Variants in FAM117B observed in about 807,000 individuals in gnomAD.
The protein encoded by FAM117B is protein FAM117B.
In FAM117B, 22 loss-of-function variants were observed where a neutral mutation model predicts 52.8. The ratio of observed to expected loss-of-function variants is 0.42; its 90% CI spans 0.30 to 0.59. The LOEUF is 0.59. Among genes scored for constraint, FAM117B ranks in the 20% least tolerant of loss-of-function variants. FAM117B has a pLI of 0.22. For synonymous variants in FAM117B, 309 were observed against 324.1 expected, an observed-to-expected ratio of 0.95 and a Z score of 0.50; for missense variants, 678 against 802.6, an observed-to-expected ratio of 0.84 and a Z score of 1.88.
At chr2:202,738,052 CTG>C (rs752777874) in intron 4 of FAM117B, among the ~76,000 whole-genome samples, 1 of 152,152 alleles carries the variant, frequency 6.6e-6, no homozygotes, top group Non-Finnish European at 1.5e-5. Context: ...TATTTGCCAT[CTG>C]TGTATCCTGT....
intron 5 of FAM117B, among the ~76,000 whole-genome samples, chr2:202,755,941 G>T (rs956716010): frequency 3.3e-5 from 5 of 152,164 alleles, no homozygotes; most frequent in African/African-American, 1.2e-4. Flanking sequence ...AAACCATTAG[G>T]TGATATACTT....
chr2:202,669,387 A>C (rs747884405), intron 1 of FAM117B, among the ~76,000 whole-genome samples: 4 of 152,180 alleles, frequency 2.6e-5, no homozygotes, highest in Non-Finnish European at 5.9e-5. Flanking sequence ...TTTCAGTCCC[A>C]AATAGTATGG....
intron 1 of FAM117B, among the ~76,000 whole-genome samples, chr2:202,672,613 T>A (rs1690315503): frequency 6.6e-6 from 1 of 152,240 alleles, no homozygotes. Context: ...CTTCACATTC[T>A]TATATAAGTC....
At chr2:202,712,305 T>A (rs1251150722) in intron 2 of FAM117B, among the ~76,000 whole-genome samples, 1 of 152,042 alleles carries the variant, frequency 6.6e-6, no homozygotes, top group Admixed American at 6.5e-5. Context: ...CTATTGTAAA[T>A]GGAATTACTT....
At chr2:202,733,067 A>G (rs1691382225) in intron 4 of FAM117B, among the ~76,000 whole-genome samples, 1 of 152,196 alleles carries the variant, frequency 6.6e-6, no homozygotes, top group South Asian at 2.1e-4. Flanking sequence ...CAAAGAGAGG[A>G]ATTTTACAGC....
intron 1 of FAM117B, among the ~76,000 whole-genome samples, chr2:202,683,737 G>GA (rs1246515986): frequency 6.6e-6 from 1 of 151,924 alleles, no homozygotes; most frequent in Non-Finnish European, 1.5e-5. Flanking sequence ...TTTTAAGAAA[G>GA]AAAAAATACT....
rs547522283 is a variant in FAM117B at position 202,707,236 on chromosome 2, A to G, written c.753+11204A>G. On this transcript the variant is annotated intron_variant, in intron 2 of 7. Transcript: ENST00000392238. The stretch of plus-strand genomic sequence containing the variant: ...TTTAATTTTTTTTTTTTTTGTAGAG[A>G]TGCGGGCCTTACTATGTTGCCCAGG... Among the ~76,000 whole-genome samples, 63 of 147,422 alleles carry G rather than the reference A, an allele frequency of 4.3e-4. 2 individuals are homozygous for G. The South Asian group carries it at 0.014, about 32-fold the overall frequency.
chr2:202,640,295 AAT>A (rs539187347), intron 1 of FAM117B, among the ~76,000 whole-genome samples: 712 of 51,184 alleles, frequency 0.014, 6 homozygotes, highest in Admixed American at 0.021. Context: ...ACCACCACAA[AAT>A]ATATATATAT....
At chr2:202,662,118 A>AGG (rs1429308014) in intron 1 of FAM117B, among the ~76,000 whole-genome samples, 60 of 127,940 alleles carry the variant, frequency 4.7e-4, no homozygotes, top group African/African-American at 1.8e-3. Flanking sequence ...AATGTGAGGT[A>AGG]GGTGTGTGTG....
At chr2:202,701,132 T>C (rs1690789975) in intron 2 of FAM117B, among the ~76,000 whole-genome samples, 1 of 152,234 alleles carries the variant, frequency 6.6e-6, no homozygotes, top group Non-Finnish European at 1.5e-5. Flanking sequence ...AGCTGGTGAC[T>C]TTAAGTTGAA....
chr2:202,715,264 C>T lies in FAM117B; in HGVS notation c.754-9653C>T, dbSNP rs1174276741. 5.3e-5 allele frequency among the ~76,000 whole-genome samples: 8 copies of T among 151,774 alleles called. No homozygotes were observed. The East Asian group carries it at 1.6e-3, about 30-fold the overall frequency. On this transcript the variant is annotated intron_variant, in intron 2 of 7. Coordinates refer to ENST00000392238, the MANE Select transcript of FAM117B (RefSeq NM_173511.4). ...GCTGGCCGGGCGGGGGCTGACCCCC[C>T]ACCTCCCTCCGGGACGGGGCGGCTG...
Position 202,724,127 on chromosome 2 carries a change from G to A in FAM117B, c.754-790G>A, listed in dbSNP as rs370639473. ...GGCTGGAGTACGGTGGCACGATCTC[G>A]GCTCACTGCAATCTCCACCTCCCGG... On this transcript the variant is annotated intron_variant, in intron 2 of 7. Coordinates refer to ENST00000392238, the MANE Select transcript of FAM117B (RefSeq NM_173511.4). Among the ~76,000 whole-genome samples the A allele has an allele frequency of 1.5e-3, 196 of 132,382 alleles. 1 individual carries two copies. Among genetic ancestry groups the A allele is most frequent in the African/African-American group, 5.6e-3 (189 of 33,936 alleles). The allele number at this position is 132,382 out of a possible 152,430, so 86.8% of individuals were successfully genotyped here.
At chr2:202,714,846 G>A (rs1321940567) in intron 2 of FAM117B, among the ~76,000 whole-genome samples, 1 of 151,574 alleles carries the variant, frequency 6.6e-6, no homozygotes, top group Non-Finnish European at 1.5e-5. Context: ...CACAGGGTTG[G>A]GGGTAAGGTC....
intron 1 of FAM117B, among the ~76,000 whole-genome samples, chr2:202,637,448 G>A (rs1689705970): frequency 6.6e-6 from 1 of 151,740 alleles, no homozygotes; most frequent in African/African-American, 2.4e-5. Flanking sequence ...GTAGAGATGG[G>A]GTTTCACCAT....
intron 4 of FAM117B, among the ~76,000 whole-genome samples, chr2:202,732,822 A>ATAAG (rs1273593698): frequency 7.1e-4 from 90 of 125,876 alleles, no homozygotes; most frequent in Non-Finnish European, 8.3e-4. Context: ...CTCCATCTCA[A>ATAAG]TAAGTAAATA....
intron 1 of FAM117B, among the ~76,000 whole-genome samples, chr2:202,679,656 A>G (rs550842102): frequency 1.3e-5 from 2 of 152,378 alleles, no homozygotes; most frequent in South Asian, 2.1e-4. Context: ...AAATTAGCCT[A>G]GAGTAAAGGC....
chr2:202,761,318 G>T (rs1691884430), intron 7 of FAM117B, among the ~76,000 whole-genome samples: 1 of 152,184 alleles, frequency 6.6e-6, no homozygotes, highest in African/African-American at 2.4e-5. Flanking sequence ...TTAAATATTT[G>T]TTGGGTGGTG....
intron 1 of FAM117B, among the ~76,000 whole-genome samples, chr2:202,681,513 G>A (rs900869832): frequency 6.6e-6 from 1 of 152,158 alleles, no homozygotes; most frequent in Non-Finnish European, 1.5e-5. Flanking sequence ...GTTTAAGGGA[G>A]ACTTCAGAGT....
intron 4 of FAM117B, among the ~76,000 whole-genome samples, chr2:202,732,780 C>A (rs1287928170): frequency 6.6e-6 from 1 of 151,612 alleles, no homozygotes; most frequent in Non-Finnish European, 1.5e-5. Context: ...GAGATCGCAC[C>A]ACTGCACTGC....
Sources: gnomAD v4.1 joint callset for allele counts (sites outside exome capture counted in the v4.1 genomes callset) on GRCh38, gnomAD v4.1.1 for gene constraint, MANE v1.5 for transcripts, NCBI Gene and HGNC (gene_info 2026-07-23, HGNC 2026-07-21) for gene names.